The following UNC119 variants were observed in gnomAD, a reference collection of about 807,000 sequenced individuals.
The protein encoded by UNC119 is protein unc-119 homolog A.
Under a neutral mutation model 22.6 loss-of-function variants are expected in UNC119, and 15 were observed. The ratio of observed to expected loss-of-function variants is 0.66; its 90% CI spans 0.44 to 1.02. The LOEUF is 1.02. UNC119 is among the 50% of genes least tolerant of loss of function. The probability of loss-of-function intolerance (pLI) is 0.00; values close to 1 mark genes in which losing one functional copy is unlikely to be tolerated. For synonymous variants in UNC119, 138 were observed against 139.4 expected, an observed-to-expected ratio of 0.99 and a Z score of 0.07; for missense variants, 322 against 336.0, an observed-to-expected ratio of 0.96 and a Z score of 0.33.
intron 1 of UNC119, chr17:28,549,116 T>G (rs568559850): frequency 1.6e-5 from 3 of 188,996 alleles, no homozygotes; most frequent in South Asian, 1.7e-4. Flanking sequence ...TGGGAACAAC[T>G]TCCTGCAGTC....
At chr17:28,548,525 T>C in intron 2 of UNC119, 67 bp downstream of exon 2, 2 of 1,358,364 alleles carry the variant, frequency 1.5e-6, no homozygotes, top group Non-Finnish European at 2.1e-6. Flanking sequence ...GGCCCAAGGA[T>C]TCCCTGGGCA....
rs572109137 is a variant in UNC119 at position 28,547,345 on chromosome 17, C to A, written c.675G>T (p.Arg225=). The A allele has an allele frequency of 2.5e-5, 40 of 1,614,174 alleles. 1 individual carries two copies. The South Asian group carries it at 4.0e-4, about 16-fold the overall frequency. The change falls in exon 5 of 5, where the codon CGG becomes CGT. Residue 225 remains arginine, a synonymous_variant. Coordinates refer to ENST00000335765, the MANE Select transcript of UNC119 (RefSeq NM_005148.4). ...AGTCTGCTTTATTGTGCATCACCAG[C>A]CGGTCATCCACGAAGTAGAAGCTGT... ...QSDSFYFVDD[R]LVMHNKADYS...
Position 28,548,686 on chromosome 17 carries a change from C to T in UNC119, c.240G>A (p.Glu80=). The T allele has an allele frequency of 2.5e-6, 4 of 1,614,132 alleles. No homozygotes were observed. Among genetic ancestry groups the T allele is most frequent in the East Asian group, 2.2e-5 (1 of 44,882 alleles). The change falls in exon 2 of 5, where the codon GAG becomes GAA. Residue 80 remains glutamate (E), a synonymous_variant. Transcript: ENST00000335765. ...CAAAGTCGATCTTGTAGATATTCTC[C>T]TCAGGGGAGCAGAGGTAGTCTAGGG... ...RITGDYLCSP[E]ENIYKIDFVR...
intron 1 of UNC119, chr17:28,551,292 G>A (rs2070266910): frequency 6.6e-6 from 1 of 152,148 alleles, no homozygotes; most frequent in African/African-American, 2.4e-5. Flanking sequence ...AAGGTGGAGA[G>A]CCACTGTCTC....
rs146916036 is a variant in UNC119, at chr17:28,547,785, G to A, written c.502C>T (p.Arg168Cys). 8.8e-4 allele frequency: 1,418 copies of A among 1,614,162 alleles called. 2 individuals are homozygous for A. The highest frequency in any genetic ancestry group is 1.1e-3 in the Non-Finnish European group (1,287 of 1,180,034). ...TCGAAGCTTTTGAGTAGCTGGTTGC[G>A]GAAGTAGTGCCTCTCGATCATGCGG... Reference protein sequence around the residue: ...NFRMIERHYFRNQLLKSFDFH... With the variant: ...NFRMIERHYFCNQLLKSFDFH... Residue 168 changes from arginine (R) to cysteine (C), a missense_variant, in exon 4 of 5, where the codon CGC becomes TGC. Arg to Cys is a radical substitution (Grantham distance 180). Transcript: ENST00000335765.
intron 1 of UNC119, chr17:28,551,901 G>C (rs2070274768): frequency 3.0e-6 from 1 of 328,120 alleles, no homozygotes; most frequent in Non-Finnish European, 6.3e-6. Context: ...GACATGAAGA[G>C]TCTGAATGCC....
At chr17:28,547,560 A>G (rs1408631044) in intron 4 of UNC119, 117 bp downstream of exon 4, 1 of 1,600,408 alleles carries the variant, frequency 6.2e-7, no homozygotes. Context: ...GGTGGCAGAC[A>G]CAGAAGAGCC....
Position 28,552,614 on chromosome 17 carries a change from G to T in UNC119, c.-57C>A. On this transcript the variant is annotated 5_prime_UTR_variant, in exon 1 of 5. Coordinates refer to ENST00000335765, the MANE Select transcript of UNC119 (RefSeq NM_005148.4). ...GCCGCCGCTGCCTGCGCCGGCTGGA[G>T]CCGGGGGAAGTGGGAGCATCCGCAG... 1 of 1,443,366 alleles carries T rather than the reference G, an allele frequency of 6.9e-7. No homozygotes were observed. Among genetic ancestry groups the T allele is most frequent in the Non-Finnish European group, 9.1e-7 (1 of 1,097,764 alleles). The allele number at this position is 1,443,366 out of a possible 1,614,324, so 89.4% of individuals were successfully genotyped here.
At chr17:28,552,228 G>A in intron 1 of UNC119, 110 bp downstream of exon 1, 1 of 1,038,920 alleles carries the variant, frequency 9.6e-7, no homozygotes, top group Non-Finnish European at 1.4e-6. Flanking sequence ...GACTCGGTGG[G>A]GGAGGGGAGG....
intron 1 of UNC119, chr17:28,552,126 A>G (rs2070278863): frequency 1.4e-6 from 1 of 711,140 alleles, no homozygotes; most frequent in Middle Eastern, 2.7e-4. Flanking sequence ...CGAAAGGGAG[A>G]AGAAGGAGGC....
Position 28,547,217 on chromosome 17 carries a change from G to C in UNC119, c.*80C>G. 6.5e-7 allele frequency: 1 copy of C among 1,547,708 alleles called. No individual in the cohort carries two copies. The highest frequency in any genetic ancestry group is 1.1e-5 in the South Asian group (1 of 87,884). On this transcript the variant is annotated 3_prime_UTR_variant, in exon 5 of 5. Transcript: ENST00000335765. The stretch of plus-strand genomic sequence containing the variant: ...GGAGAACTCCCCAAGCAGAGGACTT[G>C]GGGTTGAGGGGTGAGCGTTGGGGAG...
intron 4 of UNC119, 84 bp from the exon 5 acceptor site, chr17:28,547,493 GA>G: frequency 6.3e-7 from 1 of 1,594,010 alleles, no homozygotes; most frequent in Non-Finnish European, 8.5e-7. Flanking sequence ...GGGGTACAGG[GA>G]CAGCCAAACA....
At position 28,547,005 on chromosome 17, in the gene UNC119, G is replaced by A. The variant is rs987695054; in HGVS notation, c.*292C>T. 7 of 408,690 alleles carry A rather than the reference G, an allele frequency of 1.7e-5. No individual in the cohort carries two copies. The highest frequency in any genetic ancestry group is 2.8e-5 in the Non-Finnish European group (6 of 215,060). 25.3% of individuals were successfully genotyped at this position (408,690 alleles called of 1,614,324 possible). A position where few individuals can be genotyped will look rare whatever the true frequency, so the allele number is the denominator to read the frequency against. On this transcript the variant is annotated 3_prime_UTR_variant, in exon 5 of 5. Coordinates refer to ENST00000335765, the MANE Select transcript of UNC119 (RefSeq NM_005148.4). ...AGGGGAACACTATTCTGAAACTTGG[G>A]CCCAAGTAGGGCCCAGCTAAGTTGT... is the stretch of plus-strand genomic sequence containing the variant.
chr17:28,549,934 T>A (rs1243147523), intron 1 of UNC119: 1 of 152,120 alleles, frequency 6.6e-6, no homozygotes, highest in Non-Finnish European at 1.5e-5. Context: ...GAAATCACCC[T>A]CCAGGCCCCT....
intron 1 of UNC119, 140 bp from the exon 2 acceptor site, chr17:28,548,845 C>A: frequency 1.5e-6 from 1 of 656,952 alleles, no homozygotes; most frequent in South Asian, 1.8e-5. Flanking sequence ...TCAGTCCCTG[C>A]CCTTGGGGTA....
chr17:28,552,567 G>T lies in UNC119; in HGVS notation c.-10C>A. 2.0e-6 allele frequency: 3 copies of T among 1,507,862 alleles called. No homozygotes were observed. The highest frequency in any genetic ancestry group is 2.6e-6 in the Non-Finnish European group (3 of 1,137,226). 93.4% of individuals were successfully genotyped at this position (1,507,862 alleles called of 1,614,324 possible). On this transcript the variant is annotated 5_prime_UTR_variant, in exon 1 of 5. Transcript: ENST00000335765. ...CCTTCTTCACCTTCATGGCCTTGCG[G>T]GGCCGAGGCTCGCCTGCTGCTGCCG...
rs749605669 is a variant in UNC119 at position 28,547,956 on chromosome 17, C to A, written c.437+43G>T. The stretch of plus-strand genomic sequence containing the variant: ...GAGGCTGAGAAGGGCCCACTCACAC[C>A]CTCTCCCTCACCCCCACCACCACCC... On this transcript the variant is annotated intron_variant, in intron 3 of 4. Transcript: ENST00000335765. The A allele has an allele frequency of 5.6e-6, 9 of 1,613,518 alleles. No individual in the cohort carries two copies. The South Asian group carries it at 9.9e-5, about 18-fold the overall frequency.
At chr17:28,549,935 C>T (rs530685338) in intron 1 of UNC119, 1 of 152,334 alleles carries the variant, frequency 6.6e-6, no homozygotes, top group South Asian at 2.1e-4. Flanking sequence ...AAATCACCCT[C>T]CAGGCCCCTG....
chr17:28,552,144 G>A, intron 1 of UNC119, 194 bp downstream of exon 1: 1 of 709,906 alleles, frequency 1.4e-6, no homozygotes, highest in Non-Finnish European at 2.6e-6. Flanking sequence ...GGCACAGAGA[G>A]AGATCAAGGG....
Sources: allele counts gnomAD v4.1 joint callset, GRCh38; gene constraint gnomAD v4.1.1; transcripts MANE v1.5; gene names NCBI Gene and HGNC (gene_info 2026-07-23, HGNC 2026-07-21).